DTNA: variants seen among roughly 807,000 people sequenced by gnomAD.
The protein encoded by DTNA is dystrobrevin alpha.
DTNA carries 43 observed loss-of-function variants against 100.7 expected under a neutral mutation model. That is an observed-to-expected ratio of 0.43 (90% CI 0.33 to 0.55). The LOEUF (loss-of-function observed/expected upper bound fraction) is 0.55. DTNA is among the 20% of genes least tolerant of loss of function. The pLI, the probability that DTNA is intolerant of heterozygous loss-of-function variation, is 0.04. For missense variants in DTNA, 798 were observed against 953.9 expected (o/e 0.84, Z 2.15); for synonymous variants, 349 against 347.9 (o/e 1.00, Z -0.04).
chr18:34,644,323 G>T (rs2059605802), intron 1 of DTNA, among the ~76,000 whole-genome samples: 1 of 152,086 alleles, frequency 6.6e-6, no homozygotes, highest in Non-Finnish European at 1.5e-5. Flanking sequence ...ATGTTTTTGT[G>T]AATGTTAATT....
chr18:34,555,942 G>T (rs954810026), intron 1 of DTNA, among the ~76,000 whole-genome samples: 5 of 151,150 alleles, frequency 3.3e-5, no homozygotes, highest in African/African-American at 1.2e-4. Flanking sequence ...TTTCTGTCTC[G>T]TTGATCTGTC....
intron 17 of DTNA, among the ~76,000 whole-genome samples, chr18:34,865,174 C>T (rs1012731137): frequency 1.3e-5 from 2 of 152,228 alleles, no homozygotes; most frequent in Non-Finnish European, 2.9e-5. Context: ...GAGAGGGTCT[C>T]CCAACTTTCA....
chr18:34,586,129 G>A (rs1041967369), intron 1 of DTNA, among the ~76,000 whole-genome samples: 37 of 152,284 alleles, frequency 2.4e-4, no homozygotes, highest in African/African-American at 8.9e-4. Flanking sequence ...TTGAAGAAAA[G>A]GTTCCATAGA....
chr18:34,674,737 G>T (rs1226889879), intron 1 of DTNA, among the ~76,000 whole-genome samples: 3 of 152,178 alleles, frequency 2.0e-5, no homozygotes, highest in Non-Finnish European at 4.4e-5. Context: ...CAAGCATTTA[G>T]TGATGATTGC....
chr18:34,703,416 C>T (rs2081659811), intron 1 of DTNA, among the ~76,000 whole-genome samples: 2 of 152,146 alleles, frequency 1.3e-5, no homozygotes, highest in East Asian at 3.9e-4. Context: ...ATCTATTCAC[C>T]ATTATTTTCA....
chr18:34,873,380 G>C (rs2096784157), intron 17 of DTNA, among the ~76,000 whole-genome samples: 1 of 152,206 alleles, frequency 6.6e-6, no homozygotes, highest in African/African-American at 2.4e-5. Context: ...ACAGAGACAA[G>C]AGGCTCAGGA....
chr18:34,634,647 G>T (rs2058459660), intron 1 of DTNA, among the ~76,000 whole-genome samples: 2 of 152,054 alleles, frequency 1.3e-5, no homozygotes, highest in South Asian at 4.2e-4. Flanking sequence ...TCAGAAAATT[G>T]TGGATATTCT....
At chr18:34,769,265 A>G (rs2093640857) in intron 3 of DTNA, among the ~76,000 whole-genome samples, 1 of 152,242 alleles carries the variant, frequency 6.6e-6, no homozygotes. Flanking sequence ...AAATGCTTAC[A>G]TAATTGATCT....
At position 34,889,198 on chromosome 18, in the gene DTNA, G is replaced by A. The variant is rs1228423712; in HGVS notation, c.*1464G>A. ...AATTAGCAGTTTCTCTGGAATTCCT[G>A]TCTCTCCTTTAAAAGAAAGGAGAGA... On this transcript the variant is annotated 3_prime_UTR_variant, in exon 23 of 23. Coordinates refer to ENST00000444659, the MANE Select transcript of DTNA (RefSeq NM_001386795.1). 1.0e-6 allele frequency: 1 copy of A among 985,270 alleles called. No individual in the cohort carries two copies. Among genetic ancestry groups the A allele is most frequent in the African/African-American group, 1.7e-5 (1 of 57,220 alleles). The allele number at this position is 985,270 out of a possible 1,614,324, so 61.0% of individuals were successfully genotyped here.
intron 1 of DTNA, among the ~76,000 whole-genome samples, chr18:34,509,415 A>G (rs1206414522): frequency 1.3e-5 from 2 of 152,048 alleles, no homozygotes; most frequent in Admixed American, 1.3e-4. Flanking sequence ...ATTTTCCCCT[A>G]CTGTGTTCGG....
At position 34,665,993 on chromosome 18, in the gene DTNA, G is replaced by A. The variant is rs1253689716; in HGVS notation, c.-1-89983G>A. 4.6e-5 allele frequency among the ~76,000 whole-genome samples: 7 copies of A among 152,240 alleles called. No homozygotes were observed. The East Asian group carries it at 7.7e-4, about 17-fold the overall frequency. On this transcript the variant is annotated intron_variant, in intron 1 of 19. Coordinates refer to the DTNA transcript ENST00000283365. ...TCTAGCTCTAGATCCCTGAGGAATC[G>A]CCACACTGTCTTCCACAATGGTTAA...
chr18:34,783,275 C>T (rs1437988800), intron 3 of DTNA, among the ~76,000 whole-genome samples: 1 of 152,068 alleles, frequency 6.6e-6, no homozygotes, highest in East Asian at 1.9e-4. Context: ...CTTTGAATAA[C>T]GATTCTGGTC....
intron 1 of DTNA, among the ~76,000 whole-genome samples, chr18:34,711,275 A>G (rs529702002): frequency 6.6e-6 from 1 of 152,320 alleles, no homozygotes; most frequent in East Asian, 1.9e-4. Flanking sequence ...CACACAGAGC[A>G]AGTTAAAGGA....
intron 1 of DTNA, among the ~76,000 whole-genome samples, chr18:34,636,819 T>A (rs1005196752): frequency 5.9e-5 from 9 of 152,180 alleles, no homozygotes; most frequent in African/African-American, 2.2e-4. Flanking sequence ...AATCCAAAAT[T>A]GTGACTATGC....
At chr18:34,598,791 G>T in intron 1 of DTNA, among the ~76,000 whole-genome samples, 1 of 152,038 alleles carries the variant, frequency 6.6e-6, no homozygotes. Flanking sequence ...GCATGAACCT[G>T]GGAGGTGGAG....
intron 5 of DTNA, 51 bp from the exon 6 acceptor site, chr18:34,811,908 A>C: frequency 6.2e-7 from 1 of 1,607,888 alleles, no homozygotes; most frequent in Non-Finnish European, 8.5e-7. Flanking sequence ...GAACAAAAAC[A>C]GTGGAGAATG....
intron 17 of DTNA, chr18:34,866,114 G>A: frequency 1.2e-6 from 2 of 1,614,146 alleles, no homozygotes; most frequent in Non-Finnish European, 1.7e-6. Flanking sequence ...TCTGTAGGAA[G>A]AAGAACTGAA....
At chr18:34,768,840 A>G (rs2093621972) in intron 3 of DTNA, among the ~76,000 whole-genome samples, 1 of 152,172 alleles carries the variant, frequency 6.6e-6, no homozygotes, top group Admixed American at 6.5e-5. Context: ...TCAAAATCTA[A>G]CTGAGAATAT....
chr18:34,564,134 AC>A (rs1349018604), intron 1 of DTNA, among the ~76,000 whole-genome samples: 1 of 151,984 alleles, frequency 6.6e-6, no homozygotes, highest in Non-Finnish European at 1.5e-5. Flanking sequence ...CCTTCGACCA[AC>A]ATGTCCGTAC....
Sources: gnomAD v4.1 joint callset for allele counts (sites outside exome capture counted in the v4.1 genomes callset) on GRCh38, gnomAD v4.1.1 for gene constraint, MANE v1.5 for transcripts, NCBI Gene and HGNC (gene_info 2026-07-23, HGNC 2026-07-21) for gene names.